The following SRC variants were observed in gnomAD, a reference collection of about 807,000 sequenced individuals.
SRC encodes the protein proto-oncogene tyrosine-protein kinase Src.
Under a neutral mutation model 62.9 loss-of-function variants are expected in SRC, and 13 were observed. That is an observed-to-expected ratio of 0.21 (90% CI 0.13 to 0.33). The LOEUF (loss-of-function observed/expected upper bound fraction) is 0.33, where lower values mean the gene tolerates loss of function less well. SRC is among the 10% of genes least tolerant of loss of function. The pLI, the probability that SRC is intolerant of heterozygous loss-of-function variation, is 1.00. For missense variants in SRC, 457 were observed against 737.3 expected, an observed-to-expected ratio of 0.62 and a Z score of 4.40; for synonymous variants, 302 against 317.5, an observed-to-expected ratio of 0.95 and a Z score of 0.52.
At chr20:37,390,339 T>C (rs1170188720) in intron 5 of SRC, among the ~76,000 whole-genome samples, 3 of 149,864 alleles carry the variant, frequency 2.0e-5, no homozygotes, top group Non-Finnish European at 4.5e-5. Flanking sequence ...ATTTTTTAGC[T>C]AAATCCAGAT....
At chr20:37,349,384 T>C (rs976704100) in intron 1 of SRC, among the ~76,000 whole-genome samples, 1 of 152,008 alleles carries the variant, frequency 6.6e-6, no homozygotes, top group African/African-American at 2.4e-5. Context: ...GCCCGAGAGA[T>C]GGGGACCAAA....
intron 2 of SRC, among the ~76,000 whole-genome samples, chr20:37,370,786 C>A (rs1291656624): frequency 6.6e-6 from 1 of 152,046 alleles, no homozygotes; most frequent in African/African-American, 2.4e-5. Context: ...CGGGGTAATA[C>A]CGGCTTCAGA....
In SRC at chr20:37,397,915, G is replaced by A. The variant is rs375867211; in HGVS notation, c.859+61G>A. On this transcript the variant is annotated intron_variant, in intron 9 of 13. Transcript: ENST00000373578. This position sits in a 1 kb window ranked among gnomAD's most constrained non-coding sequence, Gnocchi z 4.1. Reference sequence around the variant, plus strand: ...ACCCCCCACCCCGTGTGGCAGCTCCGGGCTCCCTTGGTCCCTTTGCCTTTA... The same window carrying A: ...ACCCCCCACCCCGTGTGGCAGCTCCAGGCTCCCTTGGTCCCTTTGCCTTTA... 39 of 1,535,284 alleles carry A rather than the reference G, an allele frequency of 2.5e-5. No homozygotes were observed. The African/African-American group carries it at 4.7e-4, about 18-fold the overall frequency.
At chr20:37,372,705 T>C (rs2070185175) in intron 2 of SRC, among the ~76,000 whole-genome samples, 1 of 152,208 alleles carries the variant, frequency 6.6e-6, no homozygotes, top group Non-Finnish European at 1.5e-5. Context: ...TGAGTGAGGT[T>C]GAGCATCTTG....
intron 2 of SRC, among the ~76,000 whole-genome samples, chr20:37,373,270 A>G (rs562335808): frequency 4.0e-3 from 222 of 55,906 alleles, no homozygotes; most frequent in East Asian, 9.5e-3. Context: ...GTACATACGC[A>G]CACACACACA....
rs150754230 is a variant in SRC, at chr20:37,402,256, C to T, written c.1117-179C>T. The T allele has an allele frequency of 1.4e-5, 10 of 695,640 alleles. No individual in the cohort carries two copies. Among genetic ancestry groups the T allele is most frequent in the South Asian group, 4.0e-5 (2 of 50,236 alleles). 43.1% of individuals were successfully genotyped at this position (695,640 alleles called of 1,614,324 possible). ...CTCTGTGCCCTGTGCTCCCTACTCC[C>T]GCAGAGCACTGCTCCTGCTTTCGAT... On this transcript the variant is annotated intron_variant, in intron 11 of 13. Transcript: ENST00000373578. This position sits in a 1 kb window ranked among gnomAD's most constrained non-coding sequence, Gnocchi z 6.2.
In SRC at chr20:37,397,884, G is replaced by A. The variant is rs1324139656; in HGVS notation, c.859+30G>A. 6 of 1,590,594 alleles carry A rather than the reference G, an allele frequency of 3.8e-6. No individual in the cohort carries two copies. Among genetic ancestry groups the A allele is most frequent in the African/African-American group, 2.7e-5 (2 of 74,236 alleles). ...GGCCTGGCCCCTGCCCTCGGGAGAG[G>A]CATCCACCCCCCACCCCGTGTGGCA... On this transcript the variant is annotated intron_variant, in intron 9 of 13. Coordinates refer to ENST00000373578, the MANE Select transcript of SRC (RefSeq NM_198291.3). The surrounding 1 kb of genome is among the most constrained non-coding windows in gnomAD (Gnocchi z 4.1).
intron 5 of SRC, among the ~76,000 whole-genome samples, chr20:37,391,837 G>C (rs1377319446): frequency 1.3e-5 from 2 of 152,186 alleles, no homozygotes; most frequent in African/African-American, 4.8e-5. Flanking sequence ...CTGGGTGATA[G>C]AGCAAGACTC....
intron 1 of SRC, among the ~76,000 whole-genome samples, chr20:37,359,632 G>A (rs1406965397): frequency 2.0e-5 from 3 of 152,200 alleles, no homozygotes. Context: ...GGGGCCAGGG[G>A]AACAGAGTGA....
intron 2 of SRC, among the ~76,000 whole-genome samples, chr20:37,371,204 G>A (rs2070161004): frequency 6.6e-6 from 1 of 152,056 alleles, no homozygotes; most frequent in Non-Finnish European, 1.5e-5. Context: ...GTGTGGCCCA[G>A]GCTGGTCTTG....
intron 1 of SRC, among the ~76,000 whole-genome samples, chr20:37,350,605 C>T (rs558807982): frequency 1.3e-5 from 2 of 152,360 alleles, no homozygotes; most frequent in South Asian, 4.1e-4. Context: ...TCTCTCTAAA[C>T]CTCAGCCTCT....
intron 1 of SRC, among the ~76,000 whole-genome samples, chr20:37,360,177 T>C (rs1393504579): frequency 6.7e-6 from 1 of 150,286 alleles, no homozygotes; most frequent in Non-Finnish European, 1.5e-5. Flanking sequence ...CTAAAGTCCA[T>C]GTAAAAAATG....
At position 37,402,241 on chromosome 20, in the gene SRC, T is replaced by C; in HGVS notation, c.1117-194T>C. The C allele has an allele frequency of 1.6e-6, 1 of 621,346 alleles. No homozygotes were observed. The highest frequency in any genetic ancestry group is 2.1e-5 in the South Asian group (1 of 47,072). 38.5% of individuals were successfully genotyped at this position (621,346 alleles called of 1,614,324 possible). ...GCCTTCTGCCCTCTGCTCTGTGCCC[T>C]GTGCTCCCTACTCCCGCAGAGCACT... On this transcript the variant is annotated intron_variant, in intron 11 of 13. Coordinates refer to ENST00000373578, the MANE Select transcript of SRC (RefSeq NM_198291.3). The surrounding 1 kb of genome is among the most constrained non-coding windows in gnomAD (Gnocchi z 6.2).
intron 10 of SRC, among the ~76,000 whole-genome samples, chr20:37,401,371 G>A (rs1159956449): frequency 6.6e-6 from 1 of 152,088 alleles, no homozygotes; most frequent in African/African-American, 2.4e-5. Flanking sequence ...TCCGCTGTCT[G>A]CATTAGCACA....
intron 1 of SRC, among the ~76,000 whole-genome samples, chr20:37,348,074 G>A (rs948360314): frequency 3.9e-5 from 6 of 152,122 alleles, no homozygotes; most frequent in Non-Finnish European, 7.4e-5. Context: ...AGGCCCTCCC[G>A]CGTGCCCCTG....
At chr20:37,358,726 A>T (rs995255693) in intron 1 of SRC, among the ~76,000 whole-genome samples, 2 of 152,170 alleles carry the variant, frequency 1.3e-5, no homozygotes, top group African/African-American at 4.8e-5. Context: ...TGTGCTCTCC[A>T]GGGCGTGAGT....
intron 5 of SRC, among the ~76,000 whole-genome samples, chr20:37,386,655 A>T (rs868412950): frequency 1.4e-4 from 22 of 151,996 alleles, no homozygotes; most frequent in Middle Eastern, 3.4e-3. Flanking sequence ...ACCTTAACGC[A>T]GGCTGCGATC....
chr20:37,347,637 C>T (rs1022724893), intron 1 of SRC, among the ~76,000 whole-genome samples: 11 of 152,160 alleles, frequency 7.2e-5, no homozygotes, highest in South Asian at 2.1e-4. Flanking sequence ...GCTGGGTGAC[C>T]GTAAGCAATT....
chr20:37,377,081 G>A (rs2070289348), intron 2 of SRC, among the ~76,000 whole-genome samples: 1 of 152,220 alleles, frequency 6.6e-6, no homozygotes, highest in South Asian at 2.1e-4. Flanking sequence ...TACAGTCCCT[G>A]CGTCACTGTG....
Sources: allele counts gnomAD v4.1 joint callset (sites outside exome capture counted in the v4.1 genomes callset), GRCh38; gene constraint gnomAD v4.1.1; non-coding constraint Gnocchi (gnomAD v3.1); transcripts MANE v1.5; gene names NCBI Gene and HGNC (gene_info 2026-07-23, HGNC 2026-07-21).